CASTOR1: variants seen among roughly 807,000 people sequenced by gnomAD.
CASTOR1 encodes the protein GATS protein like 3.
A neutral mutation model predicts 33.7 loss-of-function variants in CASTOR1; 18 were observed. That is an observed-to-expected ratio of 0.53 (90% CI 0.37 to 0.79). The LOEUF is 0.79. CASTOR1 is among the 30% of genes least tolerant of loss of function. The pLI, the probability that CASTOR1 is intolerant of heterozygous loss-of-function variation, is 0.00. For synonymous variants in CASTOR1, 175 were observed against 190.6 expected (o/e 0.92, Z 0.67); for missense variants, 362 against 446.3 (o/e 0.81, Z 1.70).
At position 30,287,227 on chromosome 22, in the gene CASTOR1, G is replaced by C. The variant is rs777867470; in HGVS notation, c.433C>G (p.Arg145Gly). The change falls in exon 4 of 9, where the codon CGC (arginine) becomes GGC (glycine). Residue 145 changes from arginine (R) to glycine (G), a missense_variant. Arg to Gly is a moderately radical substitution (Grantham distance 125). Coordinates refer to ENST00000407689, the MANE Select transcript of CASTOR1 (RefSeq NM_001037666.3). ...HTLAQEFDIYREVGGEPVPVT... is the reference protein window; with the variant it reads ...HTLAQEFDIYGEVGGEPVPVT... Reference sequence around the variant, plus strand: ...GGCACAGGCTCTCCGCCCACCTCGCGGTAAATGTCGAACTCCTGGGCCAGC... The same window carrying C: ...GGCACAGGCTCTCCGCCCACCTCGCCGTAAATGTCGAACTCCTGGGCCAGC... 2 of 1,595,970 alleles carry C rather than the reference G, an allele frequency of 1.3e-6. No individual in the cohort carries two copies. Among genetic ancestry groups the C allele is most frequent in the South Asian group, 1.1e-5 (1 of 88,640 alleles).
Position 30,286,743 on chromosome 22 carries a change from A to C in CASTOR1, c.629+82T>G, listed in dbSNP as rs549676873. 3.8e-5 allele frequency: 60 copies of C among 1,576,360 alleles called. 1 individual carries two copies. Among genetic ancestry groups the C allele is most frequent in the Admixed American group, 2.9e-4 (17 of 58,296 alleles). On this transcript the variant is annotated intron_variant, in intron 5 of 8. Coordinates refer to ENST00000407689, the MANE Select transcript of CASTOR1 (RefSeq NM_001037666.3). ...CAAGAGAGGACAAGCAAGAGGTGCA[A>C]AACTGATAGATGGGCGGAAAGTGGT...
chr22:30,286,999 C>T (rs1468062444), intron 4 of CASTOR1, 51 bp from the exon 5 acceptor site: 4 of 1,575,070 alleles, frequency 2.5e-6, no homozygotes, highest in Non-Finnish European at 3.5e-6. Context: ...TGGGGCGCCC[C>T]CTGGTGGCTA....
At position 30,285,871 on chromosome 22, in the gene CASTOR1, A is replaced by G. The variant is rs761583978; in HGVS notation, c.882T>C (p.Ser294=). The G allele has an allele frequency of 1.4e-5, 21 of 1,530,414 alleles. No homozygotes were observed. The highest frequency in any genetic ancestry group is 1.7e-4 in the Middle Eastern group (1 of 5,808). The allele number at this position is 1,530,414 out of a possible 1,614,324, so 94.8% of individuals were successfully genotyped here. Residue 294 remains serine, a synonymous_variant, in exon 8 of 9, where the codon TCT becomes TCC. Coordinates refer to ENST00000407689, the MANE Select transcript of CASTOR1 (RefSeq NM_001037666.3). ...AGTTGAAGGTGCTGATGTAGTAGGCAGAGATGTCAGCGGCAGCCAGGGGAC... is the reference window on the plus strand; with the variant it reads ...AGTTGAAGGTGCTGATGTAGTAGGCGGAGATGTCAGCGGCAGCCAGGGGAC... ...IAGPLAAADI[S]AYYISTFNFD...
chr22:30,287,646 G>A lies in CASTOR1; in HGVS notation c.185-86C>T, dbSNP rs1381379987. 4.6e-6 allele frequency: 6 copies of A among 1,314,080 alleles called. No homozygotes were observed. The Admixed American group carries it at 6.5e-5, about 14-fold the overall frequency. 81.4% of individuals were successfully genotyped at this position (1,314,080 alleles called of 1,614,324 possible). ...CCTCAGTTTCCCTTTCTGTGCCTTGGAGGGCTCCATCAAGGTAAGGGCAGG... is the reference window on the plus strand; with the variant it reads ...CCTCAGTTTCCCTTTCTGTGCCTTGAAGGGCTCCATCAAGGTAAGGGCAGG... On this transcript the variant is annotated intron_variant, in intron 2 of 8. Transcript: ENST00000407689.
In CASTOR1 at chr22:30,285,498, C is replaced by T. The variant is rs925955066; in HGVS notation, c.*122G>A. On this transcript the variant is annotated 3_prime_UTR_variant, in exon 9 of 9. Coordinates refer to ENST00000407689, the MANE Select transcript of CASTOR1 (RefSeq NM_001037666.3). ...CTGCACGCAGCTTACATACAGAGAG[C>T]GGAACGAGGGTCCCCAGCAGAACAG... is the stretch of plus-strand genomic sequence containing the variant. 88 of 760,560 alleles carry T rather than the reference C, an allele frequency of 1.2e-4. No individual in the cohort carries two copies. The highest frequency in any genetic ancestry group is 1.8e-4 in the Non-Finnish European group (82 of 463,868). The allele number at this position is 760,560 out of a possible 1,614,324, so 47.1% of individuals were successfully genotyped here. A position where few individuals can be genotyped will look rare whatever the true frequency, so the allele number is the denominator to read the frequency against.
rs1286391763 is a variant in CASTOR1, at chr22:30,286,932, C to T, written c.522G>A (p.Val174=). Residue 174 remains valine (V), a synonymous_variant, in exon 5 of 9, where the codon GTG becomes GTA. Coordinates refer to ENST00000407689, the MANE Select transcript of CASTOR1 (RefSeq NM_001037666.3). ...GGTTCTGTGGGCTCTGGATGGGATG[C>T]ACCGTGGGGCTGGGCCCTGCTGGAG... ...PRTQHGPSPT[V]HPIQSPQNRF... is the part of the protein sequence containing the mutation. 6.2e-7 allele frequency: 1 copy of T among 1,612,986 alleles called. No homozygotes were observed. The highest frequency in any genetic ancestry group is 8.5e-7 in the Non-Finnish European group (1 of 1,179,282).
chr22:30,289,086 G>A, intron 1 of CASTOR1: 1 of 563,852 alleles, frequency 1.8e-6, no homozygotes, highest in Non-Finnish European at 3.1e-6. Context: ...CTGACATGAA[G>A]GGAGGCGTCC....
chr22:30,287,346 C>T (rs1929805472), intron 3 of CASTOR1, 27 bp downstream of exon 3: 3 of 1,599,760 alleles, frequency 1.9e-6, no homozygotes, highest in Non-Finnish European at 1.7e-6. Flanking sequence ...CCACCCTGCT[C>T]TGCATCAGCA....
chr22:30,287,596 AGGCT>A, intron 2 of CASTOR1, 36 bp from the exon 3 acceptor site: 1 of 1,561,464 alleles, frequency 6.4e-7, no homozygotes, highest in South Asian at 1.2e-5. Flanking sequence ...AGGGTCTACA[AGGCT>A]GGCCCCTGCC....
intron 5 of CASTOR1, 84 bp downstream of exon 5, chr22:30,286,741 C>T (rs991867986): frequency 1.3e-6 from 2 of 1,568,212 alleles, no homozygotes; most frequent in Non-Finnish European, 1.7e-6. Context: ...GCAAGAGGTG[C>T]AAAACTGATA....
rs769461138 is a variant in CASTOR1, at chr22:30,286,310, G to A, written c.696C>T (p.Leu232=). The A allele has an allele frequency of 4.3e-6, 7 of 1,614,138 alleles. No individual in the cohort carries two copies. Among genetic ancestry groups the A allele is most frequent in the Non-Finnish European group, 5.9e-6 (7 of 1,180,000 alleles). The stretch of plus-strand genomic sequence containing the variant: ...TGACAATGGAGATATAACCCTCGAT[G>A]AGGGAGAAGGCAAAGAACGTGATGG... The part of the protein sequence containing the change: ...PSSITFFAFS[L]IEGYISIVMD... The change falls in exon 6 of 9, where the codon CTC becomes CTT. Residue 232 remains leucine, a synonymous_variant. Coordinates refer to ENST00000407689, the MANE Select transcript of CASTOR1 (RefSeq NM_001037666.3).
At chr22:30,288,589 C>A (rs1929845056) in intron 2 of CASTOR1, 117 bp downstream of exon 2, 1 of 814,170 alleles carries the variant, frequency 1.2e-6, no homozygotes, top group Non-Finnish European at 2.0e-6. Context: ...CGAACCCCGA[C>A]CCATCTGCTT....
rs759489489 is a variant in CASTOR1 at position 30,287,437 on chromosome 22, G to A, written c.308C>T (p.Ala103Val). ...GVTKIARSVI[A>V]PLAEHHVSVL... ...AGACACGTGGTGCTCGGCCAGTGGC[G>A]CGATGACCGAACGGGCGATCTTGGT... is the stretch of plus-strand genomic sequence containing the variant. Residue 103 changes from alanine to valine, a missense_variant, in exon 3 of 9, where the codon GCG becomes GTG. Transcript: ENST00000407689. 8.1e-6 allele frequency: 13 copies of A among 1,613,452 alleles called. No homozygotes were observed. Among genetic ancestry groups the A allele is most frequent in the East Asian group, 6.7e-5 (3 of 44,890 alleles).
At position 30,287,267 on chromosome 22, in the gene CASTOR1, G is replaced by C. The variant is rs377272415; in HGVS notation, c.393C>G (p.Ser131=). The part of the protein sequence containing the change: ...DFILVREQDL[S]VVIHTLAQEF... ...CCTGGGCCAGCGTGTGGATCACCAC[G>C]GACAGGTCCTGCTCCCGCACCTGGG... is the stretch of plus-strand genomic sequence containing the variant. The change falls in exon 4 of 9, where the codon TCC becomes TCG. Residue 131 remains serine (S), a synonymous_variant. Transcript: ENST00000407689. 6.3e-7 allele frequency: 1 copy of C among 1,576,258 alleles called. No individual in the cohort carries two copies.
intron 7 of CASTOR1, 43 bp downstream of exon 7, chr22:30,285,973 C>T (rs772421093): frequency 3.4e-5 from 53 of 1,580,664 alleles, no homozygotes; most frequent in Non-Finnish European, 4.5e-5. Context: ...CCGGTTGCTC[C>T]CCAGACACTC....
Position 30,287,254 on chromosome 22 carries a change from T to G in CASTOR1, c.406A>C (p.Thr136Pro). ...REQDLSVVIH[T>P]LAQEFDIYRE... is the part of the protein sequence containing the mutation. ...TAAATGTCGAACTCCTGGGCCAGCG[T>G]GTGGATCACCACGGACAGGTCCTGC... Residue 136 changes from threonine (T) to proline (P), a missense_variant, in exon 4 of 9, where the codon ACG (threonine) becomes CCG (proline). Thr to Pro is a conservative substitution (Grantham distance 38). Transcript: ENST00000407689. 1 of 1,582,030 alleles carries G rather than the reference T, an allele frequency of 6.3e-7. No individual in the cohort carries two copies. The highest frequency in any genetic ancestry group is 1.7e-5 in the Admixed American group (1 of 57,820).
chr22:30,285,830 A>C lies in CASTOR1; in HGVS notation c.921+2T>G, dbSNP rs115548734. 18 of 380,740 alleles carry C rather than the reference A, an allele frequency of 4.7e-5. No individual in the cohort carries two copies. The highest frequency in any genetic ancestry group is 1.7e-4 in the Admixed American group (2 of 11,612). The allele number at this position is 380,740 out of a possible 1,614,324, so 23.6% of individuals were successfully genotyped here. A position where few individuals can be genotyped will look rare whatever the true frequency, so the allele number is the denominator to read the frequency against. ...CCCTCTGCCCCAGCCCTTGGTGCTC[A>C]CCAGGGCGTGGTCGAAGTTGAAGGT... On this transcript the variant is annotated splice_donor_variant, in intron 8 of 8. Transcript: ENST00000407689. LOFTEE classifies it high-confidence loss of function.
rs760335259 is a variant in CASTOR1 at position 30,285,482 on chromosome 22, G to A, written c.*138C>T. ...GCGTAAAAGCCGGTGCCTGCACGCA[G>A]CTTACATACAGAGAGCGGAACGAGG... On this transcript the variant is annotated 3_prime_UTR_variant, in exon 9 of 9. Transcript: ENST00000407689. 4.5e-5 allele frequency: 31 copies of A among 684,722 alleles called. No individual in the cohort carries two copies. Among genetic ancestry groups the A allele is most frequent in the Non-Finnish European group, 6.5e-5 (26 of 402,358 alleles). 42.4% of individuals were successfully genotyped at this position (684,722 alleles called of 1,614,324 possible).
At chr22:30,289,182 G>C (rs1283191010) in intron 1 of CASTOR1, 1 of 585,974 alleles carries the variant, frequency 1.7e-6, no homozygotes, top group Non-Finnish European at 3.0e-6. Flanking sequence ...GGCTGTTTGC[G>C]CTTTGCCCCT....
Sources: allele counts gnomAD v4.1 joint callset, GRCh38; gene constraint gnomAD v4.1.1; transcripts MANE v1.5; gene names NCBI Gene and HGNC (gene_info 2026-07-23, HGNC 2026-07-21).